Variants in NRG3 observed in about 807,000 individuals in gnomAD.
NRG3 encodes pro-neuregulin-3, membrane-bound isoform.
NRG3 carries 31 observed loss-of-function variants against 66.9 expected under a neutral mutation model. The ratio of observed to expected loss-of-function variants is 0.46; its 90% confidence interval spans 0.35 to 0.63. NRG3 has a LOEUF of 0.63. Ranked by LOEUF, NRG3 falls within the 20% of genes least tolerant of loss-of-function variation. NRG3 has a pLI of 0.00. For synonymous variants in NRG3, 393 were observed against 359.4 expected (o/e 1.09, Z -1.06); for missense variants, 910 against 878.9 (o/e 1.04, Z -0.45).
chr10:82,407,278 G>A (rs993743360), intron 2 of NRG3, among the ~76,000 whole-genome samples: 2 of 151,930 alleles, frequency 1.3e-5, no homozygotes, highest in Non-Finnish European at 2.9e-5. Context: ...TTTTTTTAAA[G>A]GTGTTAGCCT....
At chr10:82,212,735 T>C (rs1023610375) in intron 1 of NRG3, among the ~76,000 whole-genome samples, 1 of 152,208 alleles carries the variant, frequency 6.6e-6, no homozygotes, top group Non-Finnish European at 1.5e-5. Context: ...TGTGATAATA[T>C]TTGAAACATT....
intron 1 of NRG3, among the ~76,000 whole-genome samples, chr10:82,233,222 G>A (rs951191155): frequency 5.3e-5 from 8 of 152,126 alleles, no homozygotes; most frequent in African/African-American, 9.7e-5. Context: ...AAAATTAGCC[G>A]GGCATGGTGG....
At chr10:82,549,747 G>C (rs539779888) in intron 2 of NRG3, among the ~76,000 whole-genome samples, 6 of 152,254 alleles carry the variant, frequency 3.9e-5, no homozygotes, top group African/African-American at 1.2e-4. Context: ...TGGATAATTA[G>C]TTTTCTGTCT....
chr10:82,001,508 A>G (rs1426895233), intron 1 of NRG3, among the ~76,000 whole-genome samples: 1 of 152,158 alleles, frequency 6.6e-6, no homozygotes, highest in Non-Finnish European at 1.5e-5. Context: ...ATCTGAGGAA[A>G]AAAAAGAAAA....
At chr10:82,497,757 C>T (rs1034287686) in intron 2 of NRG3, among the ~76,000 whole-genome samples, 1 of 152,096 alleles carries the variant, frequency 6.6e-6, no homozygotes, top group African/African-American at 2.4e-5. Flanking sequence ...TGGATATATA[C>T]CCAGAAGTGA....
intron 2 of NRG3, among the ~76,000 whole-genome samples, chr10:82,696,802 A>T (rs1432079601): frequency 6.6e-6 from 1 of 152,212 alleles, no homozygotes; most frequent in Non-Finnish European, 1.5e-5. Context: ...GAGAGATATG[A>T]CTTTGTCTTA....
At chr10:82,673,150 A>G (rs114400111) in intron 2 of NRG3, among the ~76,000 whole-genome samples, 14 of 152,348 alleles carry the variant, frequency 9.2e-5, no homozygotes, top group African/African-American at 3.4e-4. Flanking sequence ...GTGCATATGA[A>G]TGAGTGCGCC....
At chr10:82,800,356 G>C (rs1049706505) in intron 3 of NRG3, among the ~76,000 whole-genome samples, 1 of 152,034 alleles carries the variant, frequency 6.6e-6, no homozygotes, top group Admixed American at 6.6e-5. Flanking sequence ...CAAGCCCCAG[G>C]GTGATTATTA....
At chr10:81,967,460 A>G (rs745728335) in intron 1 of NRG3, among the ~76,000 whole-genome samples, 1 of 151,840 alleles carries the variant, frequency 6.6e-6, no homozygotes, top group African/African-American at 2.4e-5. Flanking sequence ...ATTTTAGGTA[A>G]TGTTCTATAT....
chr10:82,084,502 A>ATT (rs11324774), intron 1 of NRG3, among the ~76,000 whole-genome samples: 4,999 of 145,308 alleles, frequency 0.034, 169 homozygotes, highest in African/African-American at 0.075. Flanking sequence ...CATATATGAG[A>ATT]TTTTTTTTTT....
rs950903191 is a variant in NRG3 at position 82,497,892 on chromosome 10, A to G, written c.953+139024A>G. ...AGGGTTCCTTTTTCTTCACATTCTC[A>G]CCAACACTTGTTGCCTCTTGTCTTT... On this transcript the variant is annotated intron_variant, in intron 2 of 8. Coordinates refer to ENST00000372141, the MANE Select transcript of NRG3 (RefSeq NM_001010848.4). 2.6e-5 allele frequency among the ~76,000 whole-genome samples: 4 copies of G among 152,142 alleles called. No individual in the cohort carries two copies. In the South Asian group the frequency reaches 6.2e-4, roughly 24 times the overall value.
chr10:82,414,106 G>A (rs1270243148), intron 2 of NRG3, among the ~76,000 whole-genome samples: 2 of 152,080 alleles, frequency 1.3e-5, no homozygotes, highest in African/African-American at 4.8e-5. Flanking sequence ...AAGGAGCCTG[G>A]ATTTCCACCT....
chr10:82,938,331 A>G (rs1848271280), intron 4 of NRG3, among the ~76,000 whole-genome samples: 1 of 152,182 alleles, frequency 6.6e-6, no homozygotes, highest in Non-Finnish European at 1.5e-5. Context: ...GCTGGGGTTC[A>G]GTTGTTGGTG....
intron 3 of NRG3, among the ~76,000 whole-genome samples, chr10:82,788,985 A>G (rs1217471417): frequency 6.6e-6 from 1 of 152,136 alleles, no homozygotes; most frequent in Non-Finnish European, 1.5e-5. Flanking sequence ...ACATTCATGT[A>G]CAAGTTTTCA....
chr10:82,300,824 A>G (rs2080359057), intron 1 of NRG3, among the ~76,000 whole-genome samples: 1 of 152,088 alleles, frequency 6.6e-6, no homozygotes, highest in Non-Finnish European at 1.5e-5. Context: ...ACACACACAC[A>G]CACAAAAACA....
At chr10:82,457,936 A>G (rs1459513932) in intron 2 of NRG3, among the ~76,000 whole-genome samples, 3 of 152,230 alleles carry the variant, frequency 2.0e-5, no homozygotes, top group Non-Finnish European at 4.4e-5. Flanking sequence ...TACCATTTTT[A>G]AAGAGCTTGA....
At chr10:82,318,086 G>A (rs181391413) in intron 1 of NRG3, among the ~76,000 whole-genome samples, 2 of 152,176 alleles carry the variant, frequency 1.3e-5, no homozygotes, top group African/African-American at 4.8e-5. Flanking sequence ...GGGGGTGATA[G>A]TACCTGTAAA....
At chr10:82,926,107 G>T (rs993399370) in intron 4 of NRG3, among the ~76,000 whole-genome samples, 6 of 152,158 alleles carry the variant, frequency 3.9e-5, no homozygotes, top group Non-Finnish European at 8.8e-5. Flanking sequence ...ACTATGGATA[G>T]AAAATATTTG....
At chr10:82,668,688 C>T (rs1026415494) in intron 2 of NRG3, among the ~76,000 whole-genome samples, 5 of 152,126 alleles carry the variant, frequency 3.3e-5, no homozygotes, top group Non-Finnish European at 5.9e-5. Flanking sequence ...TTCTGAGCCT[C>T]CATCAGCAGC....
Sources: gnomAD v4.1 joint callset for allele counts (sites outside exome capture counted in the v4.1 genomes callset) on GRCh38, gnomAD v4.1.1 for gene constraint, MANE v1.5 for transcripts, NCBI Gene and HGNC (gene_info 2026-07-23, HGNC 2026-07-21) for gene names.